Variants in ESAM observed in about 807,000 individuals in gnomAD.
ESAM encodes the protein endothelial cell-selective adhesion molecule.
A neutral mutation model predicts 31.8 loss-of-function variants in ESAM; 23 were observed. The observed-to-expected ratio is 0.72, with a 90% CI of 0.52 to 1.03. The LOEUF is 1.03. Ranked by LOEUF, ESAM falls within the 50% of genes least tolerant of loss-of-function variation. The pLI is 0.00. For missense variants in ESAM, 478 were observed against 488.9 expected (o/e 0.98, Z 0.21); for synonymous variants, 216 against 207.2 (o/e 1.04, Z -0.37).
Position 124,756,605 on chromosome 11 carries a change from A to G in ESAM, c.387T>C (p.Asn129=). The part of the protein sequence containing the change: ...KDSGPYSCSV[N]VQDKQGKSRG... ...TAGATTTGCCTTGTTTGTCTTGCAC[A>G]TTCACGGAGCAGCTGTAGGGGCCAG... The change falls in exon 3 of 7, where the codon AAT becomes AAC. Residue 129 remains asparagine, a synonymous_variant. Transcript: ENST00000278927. 1.2e-6 allele frequency: 2 copies of G among 1,614,124 alleles called. No homozygotes were observed. The highest frequency in any genetic ancestry group is 1.1e-5 in the South Asian group (1 of 91,084).
chr11:124,757,112 A>AG, intron 2 of ESAM: 1 of 226,334 alleles, frequency 4.4e-6, no homozygotes. Flanking sequence ...GGCATCTTGG[A>AG]GGAAAAAAAT....
chr11:124,755,570 A>G (rs1944142611), intron 4 of ESAM, among the ~76,000 whole-genome samples: 1 of 152,242 alleles, frequency 6.6e-6, no homozygotes, highest in Non-Finnish European at 1.5e-5. Flanking sequence ...ACTATTATAA[A>G]AATGGTCATG....
rs1164015114 is a variant in ESAM, at chr11:124,753,144, C to G, written c.*502G>C. 3.0e-5 allele frequency: 5 copies of G among 165,668 alleles called. No homozygotes were observed. Among genetic ancestry groups the G allele is most frequent in the African/African-American group, 1.2e-4 (5 of 41,832 alleles). The allele number at this position is 165,668 out of a possible 1,614,324, so 10.3% of individuals were successfully genotyped here. A position where few individuals can be genotyped will look rare whatever the true frequency, so the allele number is the denominator to read the frequency against. On this transcript the variant is annotated 3_prime_UTR_variant, in exon 7 of 7. Coordinates refer to ENST00000278927, the MANE Select transcript of ESAM (RefSeq NM_138961.3). ...CAACTTGTTTCTTATCTCATACAAA[C>G]ATTATGTATCTTTATTTAAATTTGC...
Position 124,754,375 on chromosome 11 carries a change from G to C in ESAM, c.731-35C>G. Reference sequence around the variant, plus strand: ...GCGTCGTGTCAGAGGAGGACACCCAGCTGAGGGGTTCTCACCCCTCTCCAA... The same window carrying C: ...GCGTCGTGTCAGAGGAGGACACCCACCTGAGGGGTTCTCACCCCTCTCCAA... On this transcript the variant is annotated intron_variant, in intron 5 of 6. Coordinates refer to ENST00000278927, the MANE Select transcript of ESAM (RefSeq NM_138961.3). The surrounding 1 kb of genome is among the most constrained non-coding windows in gnomAD (Gnocchi z 4.5). 8.7e-6 allele frequency: 14 copies of C among 1,610,430 alleles called. No homozygotes were observed. Among genetic ancestry groups the C allele is most frequent in the Non-Finnish European group, 1.2e-5 (14 of 1,178,358 alleles).
chr11:124,754,838 C>T lies in ESAM; in HGVS notation c.608-75G>A. 6.6e-7 allele frequency: 1 copy of T among 1,510,014 alleles called. No individual in the cohort carries two copies. Among genetic ancestry groups the T allele is most frequent in the Non-Finnish European group, 8.9e-7 (1 of 1,127,746 alleles). 93.5% of individuals were successfully genotyped at this position (1,510,014 alleles called of 1,614,324 possible). A position where few individuals can be genotyped will look rare whatever the true frequency, so the allele number is the denominator to read the frequency against. ...AAAAAAAAAAAATCTTGTCCCTCCT[C>T]TGGAATGTCCCCTTTGACCCTCTGG... On this transcript the variant is annotated intron_variant, in intron 4 of 6. Coordinates refer to ENST00000278927, the MANE Select transcript of ESAM (RefSeq NM_138961.3). The surrounding 1 kb of genome is among the most constrained non-coding windows in gnomAD (Gnocchi z 4.5).
chr11:124,756,846 C>G, intron 2 of ESAM, 104 bp from the exon 3 acceptor site: 1 of 1,187,128 alleles, frequency 8.4e-7, no homozygotes, highest in Admixed American at 2.0e-5. Flanking sequence ...AAATGCCCCT[C>G]ACATGCACCC....
intron 1 of ESAM, 132 bp from the exon 2 acceptor site, chr11:124,758,659 C>T (rs1180896776): frequency 7.5e-6 from 8 of 1,072,558 alleles, no homozygotes; most frequent in Non-Finnish European, 9.1e-6. Flanking sequence ...CGGGGTCCGG[C>T]CCCTGGAGGC....
Position 124,754,994 on chromosome 11 carries a change from A to G in ESAM, c.608-231T>C, listed in dbSNP as rs1196062964. ...TCAGTGCCCCCAGTGGATATCCGACAGGAGGCCACAGAGAAAGTGAAGCAC... is the reference window on the plus strand; with the variant it reads ...TCAGTGCCCCCAGTGGATATCCGACGGGAGGCCACAGAGAAAGTGAAGCAC... On this transcript the variant is annotated intron_variant, in intron 4 of 6. Transcript: ENST00000278927. The surrounding 1 kb of genome is among the most constrained non-coding windows in gnomAD (Gnocchi z 4.5). Among the ~76,000 whole-genome samples the G allele has an allele frequency of 6.6e-6, 1 of 152,212 alleles. No individual in the cohort carries two copies. Among genetic ancestry groups the G allele is most frequent in the Non-Finnish European group, 1.5e-5 (1 of 68,040 alleles).
Position 124,756,239 on chromosome 11 carries a change from G to A in ESAM, c.575C>T (p.Pro192Leu). The stretch of plus-strand genomic sequence containing the variant: ...TGGTGCAAAGAAAGTCTGGAAGGAT[G>A]GAAGCTGCCGATCCCACTGGTATTG... ...AVQYQWDRQL[P>L]SFQTFFAPAL... The change falls in exon 4 of 7, where the codon CCA becomes CTA. Residue 192 changes from proline to leucine, a missense_variant. Pro to Leu is a moderately conservative substitution (Grantham distance 98, BLOSUM62 -3). Coordinates refer to ENST00000278927, the MANE Select transcript of ESAM (RefSeq NM_138961.3). 6.2e-7 allele frequency: 1 copy of A among 1,614,108 alleles called. No homozygotes were observed. Among genetic ancestry groups the A allele is most frequent in the Middle Eastern group, 1.7e-4 (1 of 5,972 alleles).
In ESAM at chr11:124,754,870, C is replaced by G; in HGVS notation, c.608-107G>C. ...GTCCCCTTTGACCCTCTGGGAGTCA[C>G]GGCTTGTCTATTCCCTGATGGGGGG... On this transcript the variant is annotated intron_variant, in intron 4 of 6. Coordinates refer to ENST00000278927, the MANE Select transcript of ESAM (RefSeq NM_138961.3). The surrounding 1 kb of genome is among the most constrained non-coding windows in gnomAD (Gnocchi z 4.5). 7.0e-7 allele frequency: 1 copy of G among 1,424,556 alleles called. No homozygotes were observed. Among genetic ancestry groups the G allele is most frequent in the Non-Finnish European group, 9.4e-7 (1 of 1,065,460 alleles). The allele number at this position is 1,424,556 out of a possible 1,614,324, so 88.2% of individuals were successfully genotyped here. A position where few individuals can be genotyped will look rare whatever the true frequency, so the allele number is the denominator to read the frequency against.
chr11:124,762,066 A>G lies in ESAM; in HGVS notation c.70+19T>C. 6.2e-7 allele frequency: 1 copy of G among 1,608,258 alleles called. No homozygotes were observed. Among genetic ancestry groups the G allele is most frequent in the Non-Finnish European group, 8.5e-7 (1 of 1,177,116 alleles). ...CCATCCCGCATCCCAAGTCCCCTCC[A>G]GGTCCGGGTTTCACTCACCGAGGGC... On this transcript the variant is annotated intron_variant, in intron 1 of 6. Coordinates refer to ENST00000278927, the MANE Select transcript of ESAM (RefSeq NM_138961.3). The surrounding 1 kb of genome is among the most constrained non-coding windows in gnomAD (Gnocchi z 6.4).
At chr11:124,756,488 C>T (rs1187927534) in intron 3 of ESAM, 53 bp downstream of exon 3, 5 of 1,603,086 alleles carry the variant, frequency 3.1e-6, no homozygotes, top group Non-Finnish European at 1.7e-6. Flanking sequence ...GAGAGACTCA[C>T]CAGACCTCCC....
chr11:124,758,521 G>A lies in ESAM; in HGVS notation c.77C>T (p.Pro26Leu), dbSNP rs777120117. 7 of 1,557,268 alleles carry A rather than the reference G, an allele frequency of 4.5e-6. No individual in the cohort carries two copies. In the East Asian group the frequency reaches 1.4e-4, roughly 32 times the overall value. The change falls in exon 2 of 7, where the codon CCC becomes CTC. Residue 26 changes from proline to leucine, a missense_variant. Transcript: ENST00000278927. ...GTGCAGTTGCAGCTGGGCCCGCGAG[G>A]GGGGCGCTGGAGACAAGAGCGAGGC... ...LFLGLSALAPPSRAQLQLHLP... is the reference protein window; with the variant it reads ...LFLGLSALAPLSRAQLQLHLP...
At position 124,753,817 on chromosome 11, in the gene ESAM, C is replaced by T. The variant is rs750611548; in HGVS notation, c.1002G>A (p.Thr334=). ...GCAGGGCCTGGCTGGAGAGACTGGG[C>T]GTGGGGGTCAATGCACCAGGCCTGG... is the stretch of plus-strand genomic sequence containing the variant. ...GPPRPGALTP[T]PSLSSQALPS... is the part of the protein sequence containing the mutation. Residue 334 remains threonine (T), a synonymous_variant, in exon 7 of 7, where the codon ACG becomes ACA. Coordinates refer to ENST00000278927, the MANE Select transcript of ESAM (RefSeq NM_138961.3). 21 of 1,613,058 alleles carry T rather than the reference C, an allele frequency of 1.3e-5. No homozygotes were observed. The highest frequency in any genetic ancestry group is 5.0e-5 in the Admixed American group (3 of 59,944).
intron 3 of ESAM, 47 bp downstream of exon 3, chr11:124,756,494 C>T: frequency 6.2e-7 from 1 of 1,605,368 alleles, no homozygotes; most frequent in Non-Finnish European, 8.5e-7. Flanking sequence ...CTCACCAGAC[C>T]TCCCAGTGCA....
At chr11:124,756,880 C>G (rs993437748) in intron 2 of ESAM, 138 bp from the exon 3 acceptor site, 4 of 872,340 alleles carry the variant, frequency 4.6e-6, no homozygotes, top group Non-Finnish European at 1.8e-6. Flanking sequence ...GAACCAGCTC[C>G]CCATTCACCT....
chr11:124,754,440 C>T lies in ESAM; in HGVS notation c.731-100G>A, dbSNP rs1468049488. ...CCCCATCTGCCACCATACACATTCC[C>T]TCTTTTTCCCTGTCAAGAAGAGGGG... On this transcript the variant is annotated intron_variant, in intron 5 of 6. Transcript: ENST00000278927. The surrounding 1 kb of genome is among the most constrained non-coding windows in gnomAD (Gnocchi z 4.5). 6.6e-7 allele frequency: 1 copy of T among 1,520,140 alleles called. No individual in the cohort carries two copies. Among genetic ancestry groups the T allele is most frequent in the Non-Finnish European group, 8.8e-7 (1 of 1,132,190 alleles). 94.2% of individuals were successfully genotyped at this position (1,520,140 alleles called of 1,614,324 possible). A position where few individuals can be genotyped will look rare whatever the true frequency, so the allele number is the denominator to read the frequency against.
intron 2 of ESAM, 35 bp from the exon 3 acceptor site, chr11:124,756,777 A>T: frequency 6.3e-7 from 1 of 1,595,588 alleles, no homozygotes; most frequent in Non-Finnish European, 8.5e-7. Flanking sequence ...CGTCATTACT[A>T]CATGTGTCTA....
At chr11:124,761,964 GGTCA>G in intron 1 of ESAM, 117 bp downstream of exon 1, 1 of 874,232 alleles carries the variant, frequency 1.1e-6, no homozygotes, top group South Asian at 1.5e-5. Flanking sequence ...GGGATTAGGA[GGTCA>G]GGGGAGGAGG....
Sources: gnomAD v4.1 joint callset for allele counts (sites outside exome capture counted in the v4.1 genomes callset) on GRCh38, gnomAD v4.1.1 for gene constraint, Gnocchi (gnomAD v3.1) non-coding constraint, MANE v1.5 for transcripts, NCBI Gene and HGNC (gene_info 2026-07-23, HGNC 2026-07-21) for gene names.